TSHZ2: variants seen among roughly 807,000 people sequenced by gnomAD.
The protein encoded by TSHZ2 is teashirt homolog 2.
TSHZ2 carries 21 observed loss-of-function variants against 74.4 expected under a neutral mutation model. The ratio of observed to expected loss-of-function variants is 0.28; its 90% CI spans 0.20 to 0.41. The LOEUF (loss-of-function observed/expected upper bound fraction) is 0.41. TSHZ2 is among the 10% of genes least tolerant of loss of function. The pLI, the probability that TSHZ2 is intolerant of heterozygous loss-of-function variation, is 1.00. For synonymous variants in TSHZ2, 540 were observed against 515.3 expected (o/e 1.05, Z -0.65); for missense variants, 1,244 against 1,293.5 (o/e 0.96, Z 0.59).
At chr20:53,430,880 C>T (rs1214410617) in intron 2 of TSHZ2, among the ~76,000 whole-genome samples, 1 of 152,018 alleles carries the variant, frequency 6.6e-6, no homozygotes, top group East Asian at 1.9e-4. Context: ...CTCAGCCTCC[C>T]GACTAGCTGG....
chr20:53,006,773 A>G (rs973165680), intron 1 of TSHZ2, among the ~76,000 whole-genome samples: 1 of 152,206 alleles, frequency 6.6e-6, no homozygotes, highest in Non-Finnish European at 1.5e-5. Context: ...TTTCTTTGGT[A>G]CAGATCTAAA....
At chr20:53,387,552 G>C (rs570427204) in intron 2 of TSHZ2, among the ~76,000 whole-genome samples, 1 of 152,298 alleles carries the variant, frequency 6.6e-6, no homozygotes, top group South Asian at 2.1e-4. Context: ...TCAAGACTGG[G>C]CTGGGGAGCA....
At chr20:53,077,214 A>G (rs1208961140) in intron 1 of TSHZ2, among the ~76,000 whole-genome samples, 1 of 151,702 alleles carries the variant, frequency 6.6e-6, no homozygotes, top group Non-Finnish European at 1.5e-5. Flanking sequence ...GGAGTTCGAT[A>G]CCAGCCTGGG....
At position 53,490,632 on chromosome 20, in the gene TSHZ2, C is replaced by T. The variant is rs1339794229; in HGVS notation, c.*3497C>T. ...CTTTCAGGTCACAGATTTCTTAAAA[C>T]TCACCCCCAAAATGTGCCTGCTTGG... On this transcript the variant is annotated 3_prime_UTR_variant, in exon 3 of 3. Coordinates refer to ENST00000371497, the MANE Select transcript of TSHZ2 (RefSeq NM_173485.6). 6.6e-6 allele frequency: 1 copy of T among 152,248 alleles called. No individual in the cohort carries two copies. The highest frequency in any genetic ancestry group is 2.4e-5 in the African/African-American group (1 of 41,470). The allele number at this position is 152,248 out of a possible 1,614,324, so 9.4% of individuals were successfully genotyped here. A position where few individuals can be genotyped will look rare whatever the true frequency, so the allele number is the denominator to read the frequency against.
intron 1 of TSHZ2, among the ~76,000 whole-genome samples, chr20:53,011,092 G>T (rs531238190): frequency 3.9e-5 from 6 of 152,268 alleles, no homozygotes; most frequent in African/African-American, 1.4e-4. Flanking sequence ...TTCTTTATTA[G>T]TGCCTTTTAT....
rs145825604 is a variant in TSHZ2 at position 53,445,487 on chromosome 20, G to A, written c.*9-41657G>A. Among the ~76,000 whole-genome samples the A allele has an allele frequency of 3.9e-3, 594 of 152,330 alleles. 2 individuals carry two copies. The highest frequency in any genetic ancestry group is 0.035 in the South Asian group (171 of 4,828). ...ACCGGAATGCCATACAGTGAGCCAT[G>A]AGCTAGTGGAAAATGTTTTCCCTGT... is the stretch of plus-strand genomic sequence containing the variant. On this transcript the variant is annotated intron_variant, in intron 2 of 2. Transcript: ENST00000371497.
chr20:53,382,490 G>A (rs1331092131), intron 2 of TSHZ2, among the ~76,000 whole-genome samples: 2 of 152,186 alleles, frequency 1.3e-5, no homozygotes, highest in Non-Finnish European at 2.9e-5. Context: ...GCTGTCCCAA[G>A]ATTATCCCAC....
chr20:52,982,576 G>C (rs1279092277), intron 1 of TSHZ2, among the ~76,000 whole-genome samples: 1 of 152,194 alleles, frequency 6.6e-6, no homozygotes, highest in Non-Finnish European at 1.5e-5. Flanking sequence ...TATGTGCCAG[G>C]TATTGTTCTA....
chr20:53,449,541 CAAGT>C (rs1984689660), intron 2 of TSHZ2, among the ~76,000 whole-genome samples: 2 of 152,242 alleles, frequency 1.3e-5, no homozygotes, highest in Non-Finnish European at 2.9e-5. Flanking sequence ...AATAAGTAAA[CAAGT>C]AAGTAATATA....
At chr20:53,136,466 T>C (rs941183844) in intron 1 of TSHZ2, among the ~76,000 whole-genome samples, 2 of 152,230 alleles carry the variant, frequency 1.3e-5, no homozygotes, top group Admixed American at 6.5e-5. Context: ...CACCATGTAT[T>C]GGCTACTTGC....
At chr20:53,036,754 ATATT>A (rs1033574800) in intron 1 of TSHZ2, among the ~76,000 whole-genome samples, 1 of 147,992 alleles carries the variant, frequency 6.8e-6, no homozygotes, top group Non-Finnish European at 1.5e-5. Flanking sequence ...ATAATTATAT[ATATT>A]ACATAAAGTA....
intron 2 of TSHZ2, among the ~76,000 whole-genome samples, chr20:53,319,143 G>A (rs1004716080): frequency 6.6e-6 from 1 of 152,118 alleles, no homozygotes; most frequent in Non-Finnish European, 1.5e-5. Flanking sequence ...GTGGGGACAC[G>A]GCCAAACCAT....
chr20:53,068,470 C>G (rs1165406455), intron 1 of TSHZ2, among the ~76,000 whole-genome samples: 1 of 152,122 alleles, frequency 6.6e-6, no homozygotes, highest in Non-Finnish European at 1.5e-5. Flanking sequence ...TTGTCTTCCT[C>G]TCCTTATTCC....
intron 1 of TSHZ2, among the ~76,000 whole-genome samples, chr20:53,076,424 A>G (rs529178561): frequency 5.1e-4 from 78 of 152,320 alleles, no homozygotes; most frequent in Admixed American, 1.5e-3. Context: ...CAGGCACTGG[A>G]TGAAAGTAGA....
intron 1 of TSHZ2, among the ~76,000 whole-genome samples, chr20:53,194,736 G>A (rs1420536259): frequency 6.6e-6 from 1 of 152,224 alleles, no homozygotes; most frequent in African/African-American, 2.4e-5. Context: ...GCCTGGGCCA[G>A]CTCCACCCAG....
At chr20:52,987,519 C>T (rs1981818770) in intron 1 of TSHZ2, among the ~76,000 whole-genome samples, 1 of 151,252 alleles carries the variant, frequency 6.6e-6, no homozygotes. Context: ...CTCCCTCTCT[C>T]TCTTCTCTCT....
intron 1 of TSHZ2, among the ~76,000 whole-genome samples, chr20:53,136,382 G>A (rs1987245832): frequency 6.6e-6 from 1 of 152,234 alleles, no homozygotes; most frequent in Non-Finnish European, 1.5e-5. Flanking sequence ...GGATCGAAGA[G>A]CTAGTTTTTA....
At chr20:53,302,293 T>G (rs1978342248) in intron 2 of TSHZ2, among the ~76,000 whole-genome samples, 1 of 152,138 alleles carries the variant, frequency 6.6e-6, no homozygotes, top group Non-Finnish European at 1.5e-5. Flanking sequence ...GAGGAAAATT[T>G]TGTGGGAATT....
chr20:53,243,030 T>C (rs911741001), intron 1 of TSHZ2, among the ~76,000 whole-genome samples: 1 of 152,096 alleles, frequency 6.6e-6, no homozygotes, highest in Non-Finnish European at 1.5e-5. Flanking sequence ...GGGACTGAGA[T>C]AGAAAATAAC....
Sources: allele counts gnomAD v4.1 joint callset (sites outside exome capture counted in the v4.1 genomes callset), GRCh38; gene constraint gnomAD v4.1.1; transcripts MANE v1.5; gene names NCBI Gene and HGNC (gene_info 2026-07-23, HGNC 2026-07-21).